The following CSMD2 variants were observed in gnomAD, a reference collection of about 807,000 sequenced individuals.
The protein encoded by CSMD2 is CUB and sushi domain-containing protein 2.
In CSMD2, 130 loss-of-function variants were observed where a neutral mutation model predicts 398.5. That is an observed-to-expected ratio of 0.33 (90% CI 0.28 to 0.38). The LOEUF (loss-of-function observed/expected upper bound fraction) is 0.38. Among genes scored for constraint, CSMD2 ranks in the 10% least tolerant of loss-of-function variants. The pLI is 1.00. For synonymous variants in CSMD2, 1,828 were observed against 1,908.5 expected, an observed-to-expected ratio of 0.96 and a Z score of 1.10; for missense variants, 3,829 against 4,764.9, an observed-to-expected ratio of 0.80 and a Z score of 5.78.
chr1:34,122,405 C>A (rs1236944882), intron 1 of CSMD2, among the ~76,000 whole-genome samples: 2 of 152,088 alleles, frequency 1.3e-5, no homozygotes, highest in Admixed American at 6.6e-5. Flanking sequence ...GGATGGGCTG[C>A]GTCCAAGAGT....
chr1:33,659,593 T>C (rs766600754), intron 26 of CSMD2, among the ~76,000 whole-genome samples: 3 of 152,244 alleles, frequency 2.0e-5, no homozygotes, highest in Non-Finnish European at 4.4e-5. Flanking sequence ...TAAGCAAAAA[T>C]GTGAAGCCTT....
chr1:33,753,988 G>A (rs1031361722), intron 13 of CSMD2, among the ~76,000 whole-genome samples: 2 of 152,196 alleles, frequency 1.3e-5, no homozygotes, highest in African/African-American at 4.8e-5. Context: ...ATAGGTGGAA[G>A]GAATTCATCT....
chr1:34,043,775 T>C (rs1490243445), intron 2 of CSMD2, among the ~76,000 whole-genome samples: 1 of 152,156 alleles, frequency 6.6e-6, no homozygotes, highest in Non-Finnish European at 1.5e-5. Flanking sequence ...TGTACAAACA[T>C]TATGGTTTAT....
rs139565526 is a variant in CSMD2 at position 33,982,755 on chromosome 1, T to C, written c.518-46801A>G. Among the ~76,000 whole-genome samples the C allele has an allele frequency of 2.7e-3, 411 of 152,216 alleles. 2 individuals are homozygous for C. Among genetic ancestry groups the C allele is most frequent in the Non-Finnish European group, 4.3e-3 (292 of 67,994 alleles). On this transcript the variant is annotated intron_variant, in intron 3 of 70. Transcript: ENST00000373381. The stretch of plus-strand genomic sequence containing the variant: ...AGATGACCGCAAGGGCATGGCACCC[T>C]CAAGGCGCTGGATCTACTGTGGCCT...
Position 33,836,476 on chromosome 1 carries a change from G to A in CSMD2, c.1033+10408C>T, listed in dbSNP as rs928545814. 2.0e-5 allele frequency among the ~76,000 whole-genome samples: 3 copies of A among 152,210 alleles called. No homozygotes were observed. In the East Asian group the frequency reaches 5.8e-4, roughly 29 times the overall value. On this transcript the variant is annotated intron_variant, in intron 6 of 70. Coordinates refer to ENST00000373381, the MANE Select transcript of CSMD2 (RefSeq NM_001281956.2). The stretch of plus-strand genomic sequence containing the variant: ...GTCCCCAAAGGTGGAATCTACAGAG[G>A]CAGACCAGCATCCTGGAGTTGTGGT...
chr1:33,717,083 G>A (rs554494708), intron 19 of CSMD2, among the ~76,000 whole-genome samples: 1 of 152,214 alleles, frequency 6.6e-6, no homozygotes, highest in Admixed American at 6.5e-5. Context: ...ACCAGGTAAG[G>A]GAAGGAAGAG....
chr1:33,551,936 C>T (rs2148632677), intron 55 of CSMD2, among the ~76,000 whole-genome samples: 1 of 152,204 alleles, frequency 6.6e-6, no homozygotes, highest in African/African-American at 2.4e-5. Context: ...AGGGGAGGGA[C>T]CATGGACAAT....
chr1:33,669,063 T>A (rs1308653791), intron 25 of CSMD2, among the ~76,000 whole-genome samples: 1 of 152,240 alleles, frequency 6.6e-6, no homozygotes, highest in Non-Finnish European at 1.5e-5. Context: ...CATAAAGCCC[T>A]GCAGTTGAGA....
intron 49 of CSMD2, among the ~76,000 whole-genome samples, chr1:33,573,744 G>T (rs980596489): frequency 9.2e-5 from 14 of 152,146 alleles, no homozygotes; most frequent in African/African-American, 3.4e-4. Context: ...TGGATGGGAT[G>T]GAATTATCAT....
In CSMD2 at chr1:33,633,674, G is replaced by T; in HGVS notation, c.5087-139C>A. 1 of 649,856 alleles carries T rather than the reference G, an allele frequency of 1.5e-6. No individual in the cohort carries two copies. Among genetic ancestry groups the T allele is most frequent in the South Asian group, 1.8e-5 (1 of 56,728 alleles). The allele number at this position is 649,856 out of a possible 1,614,324, so 40.3% of individuals were successfully genotyped here. ...TCCTGGGCTGTGGCTTGCTGCACTG[G>T]TTAGTGCAGTGGCACAGTCTGGCAG... On this transcript the variant is annotated intron_variant, in intron 31 of 70. Transcript: ENST00000373381. This position sits in a 1 kb window ranked among gnomAD's most constrained non-coding sequence, Gnocchi z 5.0.
intron 20 of CSMD2, 78 bp from the exon 21 acceptor site, chr1:33,714,853 A>G: frequency 7.7e-6 from 11 of 1,423,544 alleles, no homozygotes; most frequent in Non-Finnish European, 1.1e-5. Flanking sequence ...CGCACAGGCA[A>G]AACACCAGGG....
chr1:34,093,599 T>C (rs1164956695), intron 1 of CSMD2, among the ~76,000 whole-genome samples: 2 of 151,548 alleles, frequency 1.3e-5, no homozygotes, highest in African/African-American at 2.4e-5. Context: ...GCTCGAGAAC[T>C]ACATGAAGAA....
At chr1:33,794,888 A>G (rs1423940447) in intron 10 of CSMD2, among the ~76,000 whole-genome samples, 1 of 151,566 alleles carries the variant, frequency 6.6e-6, no homozygotes, top group Non-Finnish European at 1.5e-5. Context: ...AGCAAGGTCT[A>G]GGTGAGGTGG....
At chr1:33,661,421 A>G (rs950598342) in intron 26 of CSMD2, among the ~76,000 whole-genome samples, 7 of 152,130 alleles carry the variant, frequency 4.6e-5, no homozygotes, top group Non-Finnish European at 1.0e-4. Context: ...AAAGTCATCC[A>G]TGATGGAATA....
intron 27 of CSMD2, among the ~76,000 whole-genome samples, chr1:33,653,385 G>T (rs1424284618): frequency 6.6e-6 from 1 of 152,200 alleles, no homozygotes; most frequent in Non-Finnish European, 1.5e-5. Context: ...TGGGAAACAG[G>T]CTCACATTCG....
intron 10 of CSMD2, among the ~76,000 whole-genome samples, chr1:33,793,718 T>C (rs1398142810): frequency 6.6e-6 from 1 of 152,124 alleles, no homozygotes; most frequent in Non-Finnish European, 1.5e-5. Flanking sequence ...GCAGGCTTTT[T>C]TGGTAGTGCA....
chr1:33,958,227 C>G (rs1006685735), intron 3 of CSMD2, among the ~76,000 whole-genome samples: 11 of 152,194 alleles, frequency 7.2e-5, no homozygotes, highest in Admixed American at 7.2e-4. Context: ...TACCCCCTCT[C>G]TGCCTCAGTT....
chr1:33,743,156 G>A, intron 14 of CSMD2, 124 bp downstream of exon 14: 1 of 754,052 alleles, frequency 1.3e-6, no homozygotes, highest in South Asian at 2.0e-5. Flanking sequence ...GGGCACTGCA[G>A]CCCTGCAATG....
At chr1:33,863,831 T>C (rs1210425062) in intron 5 of CSMD2, 1 of 192,520 alleles carries the variant, frequency 5.2e-6, no homozygotes, top group African/African-American at 2.4e-5. Flanking sequence ...ACCCACTGCC[T>C]CCAGGAAGCC....
Sources: gnomAD v4.1 joint callset for allele counts (sites outside exome capture counted in the v4.1 genomes callset) on GRCh38, gnomAD v4.1.1 for gene constraint, Gnocchi (gnomAD v3.1) non-coding constraint, MANE v1.5 for transcripts, NCBI Gene and HGNC (gene_info 2026-07-23, HGNC 2026-07-21) for gene names.